The following CNTNAP2 variants were observed in gnomAD, a reference collection of about 807,000 sequenced individuals.
CNTNAP2 encodes contactin associated protein 2, also known as contactin-associated protein-like 2.
In CNTNAP2, 98 loss-of-function variants were observed where a neutral mutation model predicts 155.2. The observed-to-expected ratio is 0.63, with a 90% confidence interval of 0.54 to 0.75. The LOEUF (loss-of-function observed/expected upper bound fraction) is 0.75. Ranked by LOEUF, CNTNAP2 falls within the 30% of genes least tolerant of loss-of-function variation. The pLI, the probability that CNTNAP2 is intolerant of heterozygous loss-of-function variation, is 0.00. For missense variants in CNTNAP2, 1,727 were observed against 1,688.1 expected (o/e 1.02, Z -0.40); for synonymous variants, 651 against 631.2 (o/e 1.03, Z -0.47).
chr7:146,247,547 G>A (rs1799681629), intron 1 of CNTNAP2, among the ~76,000 whole-genome samples: 1 of 152,088 alleles, frequency 6.6e-6, no homozygotes, highest in Admixed American at 6.5e-5. Context: ...AGTTACATTG[G>A]GAACAGAGAC....
chr7:146,640,835 C>A (rs1799692223), intron 1 of CNTNAP2, among the ~76,000 whole-genome samples: 1 of 151,902 alleles, frequency 6.6e-6, no homozygotes, highest in Non-Finnish European at 1.5e-5. Flanking sequence ...AATAAATAGA[C>A]TTGGAGAAAG....
chr7:147,014,330 C>T (rs1360591523), intron 3 of CNTNAP2, among the ~76,000 whole-genome samples: 1 of 152,044 alleles, frequency 6.6e-6, no homozygotes, highest in Non-Finnish European at 1.5e-5. Flanking sequence ...TCTAAAATAA[C>T]ACCTAGTAAT....
At chr7:148,207,662 C>G (rs1795473725) in intron 18 of CNTNAP2, among the ~76,000 whole-genome samples, 2 of 152,064 alleles carry the variant, frequency 1.3e-5, no homozygotes, top group Admixed American at 6.5e-5. Flanking sequence ...GTGACACTTC[C>G]CCCAAAATGA....
chr7:146,154,988 C>T (rs1798103672), intron 1 of CNTNAP2, among the ~76,000 whole-genome samples: 1 of 152,090 alleles, frequency 6.6e-6, no homozygotes, highest in South Asian at 2.1e-4. Context: ...TTCATAAGAA[C>T]AGGAACAGAT....
At chr7:146,454,252 A>G (rs1173064174) in intron 1 of CNTNAP2, among the ~76,000 whole-genome samples, 1 of 152,170 alleles carries the variant, frequency 6.6e-6, no homozygotes, top group Admixed American at 6.5e-5. Flanking sequence ...TAAACCTTAG[A>G]TCTGTCGGCC....
At chr7:146,800,975 G>C (rs1333223367) in intron 2 of CNTNAP2, among the ~76,000 whole-genome samples, 1 of 152,052 alleles carries the variant, frequency 6.6e-6, no homozygotes, top group African/African-American at 2.4e-5. Context: ...AGGAGAGTCT[G>C]AATTGATTTG....
chr7:146,487,268 T>A (rs1236892365), intron 1 of CNTNAP2, among the ~76,000 whole-genome samples: 2 of 152,370 alleles, frequency 1.3e-5, no homozygotes, highest in East Asian at 3.9e-4. Context: ...AATGTTATAC[T>A]AATGCCCAGT....
At chr7:146,571,822 C>G (rs950857910) in intron 1 of CNTNAP2, among the ~76,000 whole-genome samples, 1 of 151,798 alleles carries the variant, frequency 6.6e-6, no homozygotes. Context: ...ACCTCCGACT[C>G]CCAGGTTCAA....
intron 3 of CNTNAP2, among the ~76,000 whole-genome samples, chr7:147,009,479 T>C (rs977022167): frequency 1.3e-5 from 2 of 152,182 alleles, no homozygotes; most frequent in African/African-American, 4.8e-5. Context: ...TAGAACTGTG[T>C]TGTTTATTTC....
rs543356313 is a variant in CNTNAP2, at chr7:148,357,621, C to T, written c.3476-26028C>T. Among the ~76,000 whole-genome samples the T allele has an allele frequency of 5.3e-5, 8 of 152,264 alleles. No homozygotes were observed. In the South Asian group the frequency reaches 1.5e-3, roughly 28 times the overall value. On this transcript the variant is annotated intron_variant, in intron 21 of 23. Coordinates refer to ENST00000361727, the MANE Select transcript of CNTNAP2 (RefSeq NM_014141.6). ...TCCTTCATGTGACTGTGCATCATAGCCTTCTGTATTTTGCCTCGGTCAGTG... is the reference window on the plus strand; with the variant it reads ...TCCTTCATGTGACTGTGCATCATAGTCTTCTGTATTTTGCCTCGGTCAGTG...
chr7:146,943,883 G>A (rs1797105177), intron 3 of CNTNAP2, among the ~76,000 whole-genome samples: 1 of 152,100 alleles, frequency 6.6e-6, no homozygotes, highest in Non-Finnish European at 1.5e-5. Context: ...GCATAACACA[G>A]CATTTTAGGA....
At chr7:147,422,407 G>A (rs1563198795) in intron 10 of CNTNAP2, among the ~76,000 whole-genome samples, 1 of 151,312 alleles carries the variant, frequency 6.6e-6, no homozygotes, top group Non-Finnish European at 1.5e-5. Context: ...TACTATATAT[G>A]TAATCTGATA....
intron 13 of CNTNAP2, among the ~76,000 whole-genome samples, chr7:147,820,770 A>G (rs375229735): frequency 4.3e-4 from 65 of 152,260 alleles, no homozygotes; most frequent in Middle Eastern, 3.4e-3. Context: ...ACTTAAAATG[A>G]CTTTCCTTAA....
chr7:147,307,576 T>A (rs1054309515), intron 9 of CNTNAP2, among the ~76,000 whole-genome samples: 2 of 145,650 alleles, frequency 1.4e-5, no homozygotes, highest in African/African-American at 5.4e-5. Flanking sequence ...AGAGCAAAAC[T>A]CCATACCCCA....
intron 1 of CNTNAP2, among the ~76,000 whole-genome samples, chr7:146,132,682 T>G (rs1201547205): frequency 6.6e-6 from 1 of 151,534 alleles, no homozygotes; most frequent in South Asian, 2.1e-4. Context: ...TTTTTGTTCT[T>G]GCGATAGTTT....
chr7:146,392,982 C>A (rs1336530121), intron 1 of CNTNAP2, among the ~76,000 whole-genome samples: 1 of 152,166 alleles, frequency 6.6e-6, no homozygotes, highest in Non-Finnish European at 1.5e-5. Context: ...CTACTGACAA[C>A]TGTGGTACCC....
chr7:146,145,665 C>T (rs1486893686), intron 1 of CNTNAP2, among the ~76,000 whole-genome samples: 2 of 152,004 alleles, frequency 1.3e-5, no homozygotes, highest in Non-Finnish European at 2.9e-5. Flanking sequence ...ACCATGGTCC[C>T]ACAGCAATAT....
At chr7:146,151,525 C>T (rs1472704796) in intron 1 of CNTNAP2, among the ~76,000 whole-genome samples, 2 of 149,016 alleles carry the variant, frequency 1.3e-5, no homozygotes, top group African/African-American at 4.9e-5. Flanking sequence ...TTTCCCTTAG[C>T]ATAATGTTCT....
intron 8 of CNTNAP2, among the ~76,000 whole-genome samples, chr7:147,190,858 G>A (rs1245566348): frequency 1.3e-5 from 2 of 152,118 alleles, no homozygotes; most frequent in Non-Finnish European, 2.9e-5. Flanking sequence ...TATGAAAAAT[G>A]TTAACTGAAC....
Sources: allele counts gnomAD v4.1 joint callset (sites outside exome capture counted in the v4.1 genomes callset), GRCh38; gene constraint gnomAD v4.1.1; transcripts MANE v1.5; gene names NCBI Gene and HGNC (gene_info 2026-07-23, HGNC 2026-07-21).